ADAMTS18: variants seen among roughly 807,000 people sequenced by gnomAD.
The protein encoded by ADAMTS18 is ADAM metallopeptidase with thrombospondin type 1 motif 18.
A neutral mutation model predicts 165.9 loss-of-function variants in ADAMTS18; 157 were observed. The ratio of observed to expected loss-of-function variants is 0.95; its 90% confidence interval spans 0.83 to 1.08. The LOEUF (loss-of-function observed/expected upper bound fraction) is 1.08, where lower values mean the gene tolerates loss of function less well. Ranked by LOEUF, ADAMTS18 falls within the 50% of genes least tolerant of loss-of-function variation. The pLI is 0.00. For synonymous variants in ADAMTS18, 782 were observed against 578.2 expected (o/e 1.35, Z -5.06); for missense variants, 2,040 against 1,534.0 (o/e 1.33, Z -5.51).
At chr16:77,433,840 G>C (rs572484666) in intron 2 of ADAMTS18, among the ~76,000 whole-genome samples, 44 of 152,244 alleles carry the variant, frequency 2.9e-4, no homozygotes, top group African/African-American at 7.7e-4. Flanking sequence ...TTTTCTGGAA[G>C]TTTGTGGCTG....
chr16:77,320,886 T>C (rs554493781), intron 15 of ADAMTS18, among the ~76,000 whole-genome samples, 193 bp downstream of exon 15: 1 of 152,328 alleles, frequency 6.6e-6, no homozygotes, highest in African/African-American at 2.4e-5. Flanking sequence ...TTATTTGGCA[T>C]GTTTCTACGA....
chr16:77,326,066 G>T (rs1390680831), intron 12 of ADAMTS18, 28 bp from the exon 13 acceptor site: 2 of 1,605,758 alleles, frequency 1.2e-6, no homozygotes. Context: ...GAACTTTAAT[G>T]TTAGTAATCA....
intron 10 of ADAMTS18, among the ~76,000 whole-genome samples, chr16:77,350,353 G>C (rs1291356268): frequency 6.6e-6 from 1 of 152,156 alleles, no homozygotes; most frequent in Admixed American, 6.5e-5. Flanking sequence ...CCTTTACCAG[G>C]GCAGCCACTG....
Position 77,321,119 on chromosome 16 carries a change from C to T in ADAMTS18, c.2247G>A (p.Lys749=), listed in dbSNP as rs934210287. 3 of 1,614,068 alleles carry T rather than the reference C, an allele frequency of 1.9e-6. No individual in the cohort carries two copies. The highest frequency in any genetic ancestry group is 2.5e-6 in the Non-Finnish European group (3 of 1,180,030). ...GGTTGAGGTACAGGCCTTTATAAAA[C>T]TTGCAAGTTGAATTATCACCTTTGC... is the stretch of plus-strand genomic sequence containing the variant. ...GVCKGDNSTC[K]FYKGLYLNQH... is the part of the protein sequence containing the mutation. Residue 749 remains lysine, a synonymous_variant, in exon 15 of 23, where the codon AAG becomes AAA. Transcript: ENST00000282849.
chr16:77,291,493 AG>A lies in ADAMTS18; in HGVS notation c.3190-16del. On this transcript the variant is annotated splice_polypyrimidine_tract_variant and intron_variant, in intron 20 of 22. Transcript: ENST00000282849. ...GTTGCAGAACACTAGGAGCCAAGAC[AG>A]GATGTGTAAAAGTGAAGACTGCCAG... 6.2e-7 allele frequency: 1 copy of A among 1,613,382 alleles called. No homozygotes were observed. The highest frequency in any genetic ancestry group is 2.2e-5 in the East Asian group (1 of 44,882).
chr16:77,318,976 T>G (rs1458745361), intron 16 of ADAMTS18, among the ~76,000 whole-genome samples: 1 of 152,214 alleles, frequency 6.6e-6, no homozygotes, highest in East Asian at 1.9e-4. Context: ...AGAGACATCA[T>G]GAGGACTAAA....
intron 13 of ADAMTS18, among the ~76,000 whole-genome samples, 188 bp downstream of exon 13, chr16:77,325,678 G>GGA (rs1567483706): frequency 7.0e-6 from 1 of 142,234 alleles, no homozygotes; most frequent in Admixed American, 7.1e-5. Context: ...CTTATAGGGG[G>GGA]AAAAAAAAAA....
intron 4 of ADAMTS18, among the ~76,000 whole-genome samples, chr16:77,365,230 T>C (rs967544563): frequency 4.6e-5 from 7 of 152,238 alleles, no homozygotes; most frequent in Admixed American, 4.6e-4. Context: ...TCAACAAAAA[T>C]CAATTTTGTG....
chr16:77,389,028 A>T (rs2057148681), intron 3 of ADAMTS18, among the ~76,000 whole-genome samples: 1 of 152,238 alleles, frequency 6.6e-6, no homozygotes, highest in Admixed American at 6.5e-5. Flanking sequence ...GGCTGGGCAC[A>T]GTGGCTCACA....
At chr16:77,409,618 ACT>A (rs1302997792) in intron 3 of ADAMTS18, among the ~76,000 whole-genome samples, 1 of 152,184 alleles carries the variant, frequency 6.6e-6, no homozygotes, top group African/African-American at 2.4e-5. Flanking sequence ...TACAGTATAC[ACT>A]GAAACCCTTA....
Position 77,381,959 on chromosome 16 carries a change from C to T in ADAMTS18, c.496-14236G>A, listed in dbSNP as rs189003321. 1.1e-3 allele frequency among the ~76,000 whole-genome samples: 170 copies of T among 152,282 alleles called. 1 individual carries two copies. Among genetic ancestry groups the T allele is most frequent in the African/African-American group, 3.8e-3 (158 of 41,564 alleles). ...AATTGTTCTCTGGAATGTGTCCTTACTGGTCATCACCAATCTAGTTCAGAT... is the reference window on the plus strand; with the variant it reads ...AATTGTTCTCTGGAATGTGTCCTTATTGGTCATCACCAATCTAGTTCAGAT... On this transcript the variant is annotated intron_variant, in intron 3 of 22. Coordinates refer to ENST00000282849, the MANE Select transcript of ADAMTS18 (RefSeq NM_199355.4).
chr16:77,284,923 G>C (rs146366475), intron 22 of ADAMTS18, among the ~76,000 whole-genome samples: 40 of 151,552 alleles, frequency 2.6e-4, no homozygotes, highest in Non-Finnish European at 5.3e-4. Context: ...CAAATGGGTT[G>C]AGATTAACTG....
chr16:77,423,139 T>C (rs1315661664), intron 3 of ADAMTS18, among the ~76,000 whole-genome samples: 2 of 152,208 alleles, frequency 1.3e-5, no homozygotes, highest in East Asian at 3.8e-4. Flanking sequence ...TACTAAAAAA[T>C]ATCCTACACC....
chr16:77,391,473 C>T (rs559853250), intron 3 of ADAMTS18, among the ~76,000 whole-genome samples: 93 of 147,358 alleles, frequency 6.3e-4, no homozygotes, highest in Non-Finnish European at 1.1e-3. Flanking sequence ...GCCTGGGCAA[C>T]AGCGCAAGAC....
chr16:77,356,656 T>C (rs1444027311), intron 8 of ADAMTS18, among the ~76,000 whole-genome samples: 1 of 152,178 alleles, frequency 6.6e-6, no homozygotes, highest in Non-Finnish European at 1.5e-5. Context: ...AACCCCTTTA[T>C]TGAAGGCTAT....
intron 10 of ADAMTS18, among the ~76,000 whole-genome samples, chr16:77,345,044 G>T (rs1028770422): frequency 6.6e-6 from 1 of 152,042 alleles, no homozygotes; most frequent in Non-Finnish European, 1.5e-5. Flanking sequence ...AGACTCCAAG[G>T]TCTCATGTTG....
chr16:77,419,699 T>A (rs1386534788), intron 3 of ADAMTS18, among the ~76,000 whole-genome samples: 1 of 152,064 alleles, frequency 6.6e-6, no homozygotes. Context: ...GCCAGCAATT[T>A]TGGGGGCTGT....
intron 3 of ADAMTS18, among the ~76,000 whole-genome samples, chr16:77,409,523 C>T (rs1212898317): frequency 6.6e-6 from 1 of 152,184 alleles, no homozygotes; most frequent in African/African-American, 2.4e-5. Flanking sequence ...CAGTAGCTGA[C>T]TCAACAGCCA....
At chr16:77,291,534 G>C in intron 20 of ADAMTS18, 56 bp from the exon 21 acceptor site, 3 of 1,558,040 alleles carry the variant, frequency 1.9e-6, no homozygotes, top group Middle Eastern at 1.7e-4. Flanking sequence ...ACATCTTCTG[G>C]ACAGAGGCAG....
Sources: allele counts gnomAD v4.1 joint callset (sites outside exome capture counted in the v4.1 genomes callset), GRCh38; gene constraint gnomAD v4.1.1; transcripts MANE v1.5; gene names NCBI Gene and HGNC (gene_info 2026-07-23, HGNC 2026-07-21).